The following ZNF446 variants were observed in gnomAD, a reference collection of about 807,000 sequenced individuals.
The protein encoded by ZNF446 is zinc finger protein with KRAB and SCAN domains 20.
In ZNF446, 42 loss-of-function variants were observed where a neutral mutation model predicts 34.0. The observed-to-expected ratio is 1.23, with a 90% CI of 0.96 to 1.60. The LOEUF (loss-of-function observed/expected upper bound fraction) is 1.60. Among genes scored for constraint, ZNF446 ranks in the 40% most tolerant of loss-of-function variants. The pLI, the probability that ZNF446 is intolerant of heterozygous loss-of-function variation, is 0.00. For missense variants in ZNF446, 650 were observed against 600.2 expected, an observed-to-expected ratio of 1.08 and a Z score of -0.87; for synonymous variants, 315 against 251.0, an observed-to-expected ratio of 1.25 and a Z score of -2.41.
rs1372271851 is a variant in ZNF446 at position 58,480,790 on chromosome 19, G to A, written c.*64G>A. 1.3e-6 allele frequency: 2 copies of A among 1,539,848 alleles called. No homozygotes were observed. The highest frequency in any genetic ancestry group is 8.7e-7 in the Non-Finnish European group (1 of 1,142,872). ...TCGGGGCCTGGATACAGCCTCTGGG[G>A]CACCAGCAGAAGACTCTGGAGGCAG... On this transcript the variant is annotated 3_prime_UTR_variant, in exon 7 of 7. Transcript: ENST00000594369. This position sits in a 1 kb window ranked among gnomAD's most constrained non-coding sequence, Gnocchi z 7.2.
downstream of ZNF446, among the ~76,000 whole-genome samples, chr19:58,484,950 C>T (rs1273307728): frequency 2.0e-5 from 3 of 151,176 alleles, no homozygotes; most frequent in Admixed American, 6.6e-5. Flanking sequence ...CCCAACTACT[C>T]GGGAGGCTGA....
chr19:58,488,854 AAAAAAAAAAAC>A, the ZNF446 span, among the ~76,000 whole-genome samples: 1 of 151,084 alleles, frequency 6.6e-6, no homozygotes, highest in African/African-American at 2.4e-5. Flanking sequence ...CCGTCAAAAA[AAAAAAAAAAAC>A]AAAAAAATAC....
At chr19:58,486,520 G>A in the ZNF446 span, among the ~76,000 whole-genome samples, 2 of 151,940 alleles carry the variant, frequency 1.3e-5, no homozygotes, top group Admixed American at 6.6e-5. Flanking sequence ...CGATTCTCCT[G>A]CCTCAGCCTC....
chr19:58,477,514 C>T lies in ZNF446; in HGVS notation c.296C>T (p.Ala99Val), dbSNP rs774937598. ...QRPGSPEEAA[A>V]LVEGLQHDPG... ...CCAGGCAGTCCTGAGGAGGCCGCTG[C>T]CCTAGTCGAAGGACTGCAGCATGAC... Residue 99 changes from alanine (A) to valine (V), a missense_variant, in exon 2 of 7, where the codon GCC becomes GTC. Ala to Val is a moderately conservative substitution (Grantham distance 64, BLOSUM62 0). Transcript: ENST00000594369. 6.8e-6 allele frequency: 11 copies of T among 1,612,766 alleles called. No individual in the cohort carries two copies. The South Asian group carries it at 8.8e-5, about 13-fold the overall frequency.
downstream of ZNF446, among the ~76,000 whole-genome samples, chr19:58,483,148 C>T (rs888139041): frequency 1.3e-5 from 2 of 151,046 alleles, no homozygotes; most frequent in Admixed American, 6.6e-5. Flanking sequence ...GAGTTCAAGA[C>T]CAATCTGGGC....
chr19:58,479,883 C>G, intron 5 of ZNF446, 47 bp from the exon 6 acceptor site: 2 of 1,473,348 alleles, frequency 1.4e-6, no homozygotes, highest in Non-Finnish European at 1.8e-6. Flanking sequence ...GACCCCACCC[C>G]TCCTTCATGC....
intron 4 of ZNF446, 45 bp downstream of exon 4, chr19:58,478,226 G>A (rs368246732): frequency 6.9e-4 from 1,085 of 1,578,014 alleles, no homozygotes; most frequent in Non-Finnish European, 9.0e-4. Flanking sequence ...GTGTGAGAAG[G>A]GACTGTCCCC....
Position 58,480,526 on chromosome 19 carries a change from C to T in ZNF446, c.1153C>T (p.Pro385Ser), listed in dbSNP as rs1355149816. Reference protein sequence around the residue: ...PQGEVAFPHHPRRSLTGPRSY... With the variant: ...PQGEVAFPHHSRRSLTGPRSY... ...AGGGGAGGTGGCCTTTCCGCACCACCCCCGACGCTCACTCACAGGCCCCCG... is the reference window on the plus strand; with the variant it reads ...AGGGGAGGTGGCCTTTCCGCACCACTCCCGACGCTCACTCACAGGCCCCCG... Residue 385 changes from proline to serine, a missense_variant, in exon 7 of 7, where the codon CCC becomes TCC. Physicochemically the swap from Pro to Ser is moderately conservative, Grantham distance 74. Coordinates refer to ENST00000594369, the MANE Select transcript of ZNF446 (RefSeq NM_017908.4). The surrounding 1 kb of genome is among the most constrained non-coding windows in gnomAD (Gnocchi z 7.2). 1.2e-6 allele frequency: 2 copies of T among 1,612,716 alleles called. No individual in the cohort carries two copies. Among genetic ancestry groups the T allele is most frequent in the African/African-American group, 2.7e-5 (2 of 75,038 alleles).
downstream of ZNF446, among the ~76,000 whole-genome samples, chr19:58,483,113 A>G (rs555953404): frequency 6.6e-6 from 1 of 152,084 alleles, no homozygotes; most frequent in South Asian, 2.1e-4. Flanking sequence ...AAGGCAACTT[A>G]TGTTGTTTCA....
rs1477476868 is a variant in ZNF446, at chr19:58,480,630, C to T, written c.1257C>T (p.Gly419=). ...TCATCCACCGCAAGAGCCACACAGG[C>T]CAGCGGCGTCACTTCTGCAGTGACT... ...QLVIHRKSHT[G]QRRHFCSDCG... is the part of the protein sequence containing the mutation. Residue 419 remains glycine, a synonymous_variant, in exon 7 of 7, where the codon GGC becomes GGT. Transcript: ENST00000594369. The surrounding 1 kb of genome is among the most constrained non-coding windows in gnomAD (Gnocchi z 7.2). 1 of 1,612,600 alleles carries T rather than the reference C, an allele frequency of 6.2e-7. No homozygotes were observed. The highest frequency in any genetic ancestry group is 1.7e-5 in the Admixed American group (1 of 60,008).
rs1255678481 is a variant in ZNF446, at chr19:58,480,280, A to G, written c.907A>G (p.Thr303Ala). ...GLSGAATPAP[T>A]VRPGTPPVPT... is the part of the protein sequence containing the mutation. ...GTCTGGGGCTGCCACTCCTGCCCCC[A>G]CTGTGCGCCCAGGGACACCGCCAGT... The change falls in exon 7 of 7, where the codon ACT becomes GCT. Residue 303 changes from threonine to alanine, a missense_variant. By Grantham distance (58) the Thr-to-Ala change is moderately conservative. Coordinates refer to ENST00000594369, the MANE Select transcript of ZNF446 (RefSeq NM_017908.4). This position sits in a 1 kb window ranked among gnomAD's most constrained non-coding sequence, Gnocchi z 7.2. 1 of 1,578,240 alleles carries G rather than the reference A, an allele frequency of 6.3e-7. No homozygotes were observed. Among genetic ancestry groups the G allele is most frequent in the African/African-American group, 1.3e-5 (1 of 74,262 alleles).
At chr19:58,477,888 A>C in intron 3 of ZNF446, 62 bp downstream of exon 3, 1 of 1,451,916 alleles carries the variant, frequency 6.9e-7, no homozygotes. Context: ...ATTCCTGGCT[A>C]GGGTGGGAGT....
At chr19:58,487,903 A>G in the ZNF446 span, among the ~76,000 whole-genome samples, 1 of 152,266 alleles carries the variant, frequency 6.6e-6, no homozygotes, top group Non-Finnish European at 1.5e-5. Context: ...ATCAGAAGAA[A>G]CTAGGCTGAT....
rs1264298056 is a variant in ZNF446 at position 58,480,508 on chromosome 19, G to A, written c.1135G>A (p.Val379Met). Reference sequence around the variant, plus strand: ...CACAGAGAAGCCACCACAAGGGGAGGTGGCCTTTCCGCACCACCCCCGACG... The same window carrying A: ...CACAGAGAAGCCACCACAAGGGGAGATGGCCTTTCCGCACCACCCCCGACG... ...ESTEKPPQGE[V>M]AFPHHPRRSL... The change falls in exon 7 of 7, where the codon GTG (valine) becomes ATG (methionine). Residue 379 changes from valine to methionine, a missense_variant. Physicochemically the swap from Val to Met is conservative, Grantham distance 21. Transcript: ENST00000594369. This position sits in a 1 kb window ranked among gnomAD's most constrained non-coding sequence, Gnocchi z 7.2. 1 of 1,612,740 alleles carries A rather than the reference G, an allele frequency of 6.2e-7. No homozygotes were observed. Among genetic ancestry groups the A allele is most frequent in the East Asian group, 2.2e-5 (1 of 44,844 alleles).
rs766418424 is a variant in ZNF446 at position 58,479,954 on chromosome 19, C to A, written c.737C>A (p.Ala246Glu). 2.2e-5 allele frequency: 35 copies of A among 1,587,078 alleles called. No homozygotes were observed. The South Asian group carries it at 4.0e-4, about 18-fold the overall frequency. Residue 246 changes from alanine to glutamate, a missense_variant, in exon 6 of 7, where the codon GCA (alanine) becomes GAA (glutamate). Coordinates refer to ENST00000594369, the MANE Select transcript of ZNF446 (RefSeq NM_017908.4). ...SLGLPPHQPE[A>E]QAQSELGMLL... ...GGGTTACCGCCCCACCAGCCAGAGGCACAGGCCCAGTCAGAGCTGGGGATG... is the reference window on the plus strand; with the variant it reads ...GGGTTACCGCCCCACCAGCCAGAGGAACAGGCCCAGTCAGAGCTGGGGATG...
rs919504754 is a variant in ZNF446 at position 58,476,447 on chromosome 19, A to G, written c.-98A>G. The stretch of plus-strand genomic sequence containing the variant: ...TTCCCCTTTTGGGGACAGATCCCGA[A>G]GTTCGAGCATCCCTCGGATAGGCCG... On this transcript the variant is annotated 5_prime_UTR_variant, in exon 1 of 7. Transcript: ENST00000594369. The G allele has an allele frequency of 6.6e-6, 1 of 152,238 alleles. No individual in the cohort carries two copies. Among genetic ancestry groups the G allele is most frequent in the African/African-American group, 2.4e-5 (1 of 41,448 alleles). The allele number at this position is 152,238 out of a possible 1,614,324, so 9.4% of individuals were successfully genotyped here. A position where few individuals can be genotyped will look rare whatever the true frequency, so the allele number is the denominator to read the frequency against.
intron 4 of ZNF446, 42 bp downstream of exon 4, chr19:58,478,223 A>G: frequency 6.3e-7 from 1 of 1,586,384 alleles, no homozygotes; most frequent in Non-Finnish European, 8.6e-7. Context: ...CAGGTGTGAG[A>G]AGGGACTGTC....
At chr19:58,488,268 G>T in the ZNF446 span, among the ~76,000 whole-genome samples, 5 of 11,508 alleles carry the variant, frequency 4.3e-4, no homozygotes, top group South Asian at 2.1e-3. Context: ...TGAGGACAGG[G>T]CTTCACCTGC....
downstream of ZNF446, among the ~76,000 whole-genome samples, chr19:58,485,864 C>G (rs755679183): frequency 1.3e-5 from 2 of 152,044 alleles, no homozygotes; most frequent in African/African-American, 2.4e-5. Flanking sequence ...ACAGGCTGAG[C>G]CACCACACCC....
Sources: allele counts gnomAD v4.1 joint callset (sites outside exome capture counted in the v4.1 genomes callset), GRCh38; gene constraint gnomAD v4.1.1; non-coding constraint Gnocchi (gnomAD v3.1); transcripts MANE v1.5; gene names NCBI Gene and HGNC (gene_info 2026-07-23, HGNC 2026-07-21).